The following NRXN3 variants were observed in gnomAD, a reference collection of about 807,000 sequenced individuals.
The protein encoded by NRXN3 is neurexin III.
Under a neutral mutation model 137.6 loss-of-function variants are expected in NRXN3, and 32 were observed. That is an observed-to-expected ratio of 0.23 (90% CI 0.18 to 0.31). The LOEUF (loss-of-function observed/expected upper bound fraction) is 0.31, where lower values mean the gene tolerates loss of function less well. NRXN3 is among the 10% of genes least tolerant of loss of function. The probability of loss-of-function intolerance (pLI) is 1.00; values close to 1 mark genes in which losing one functional copy is unlikely to be tolerated. For missense variants in NRXN3, 1,574 were observed against 2,062.5 expected, an observed-to-expected ratio of 0.76 and a Z score of 4.59; for synonymous variants, 798 against 784.5, an observed-to-expected ratio of 1.02 and a Z score of -0.29.
At chr14:79,530,172 G>A (rs930880698) in intron 16 of NRXN3, among the ~76,000 whole-genome samples, 9 of 152,044 alleles carry the variant, frequency 5.9e-5, no homozygotes, top group African/African-American at 1.9e-4. Flanking sequence ...CAAACTCACA[G>A]ACATTTGCCC....
At position 78,778,703 on chromosome 14, in the gene NRXN3, T is replaced by C. The variant is rs888658386; in HGVS notation, c.2045-24917T>C. Among the ~76,000 whole-genome samples, 8 of 148,636 alleles carry C rather than the reference T, an allele frequency of 5.4e-5. 1 individual carries two copies. The highest frequency in any genetic ancestry group is 1.2e-4 in the Non-Finnish European group (8 of 66,988). ...TTTTCTTTCTTTCTTTCTTTCTTTC[T>C]TTCTTTCTTTCTTTCTTTCTTTCTT... is the stretch of plus-strand genomic sequence containing the variant. On this transcript the variant is annotated intron_variant, in intron 8 of 20. Coordinates refer to ENST00000335750, the MANE Select transcript of NRXN3 (RefSeq NM_001330195.2).
chr14:79,293,303 T>C (rs991070253), intron 15 of NRXN3, among the ~76,000 whole-genome samples: 3 of 152,188 alleles, frequency 2.0e-5, no homozygotes, highest in Non-Finnish European at 4.4e-5. Flanking sequence ...ATCATGCCCC[T>C]AAAATAATGT....
At chr14:78,670,703 C>G (rs2097925640) in intron 6 of NRXN3, among the ~76,000 whole-genome samples, 1 of 152,132 alleles carries the variant, frequency 6.6e-6, no homozygotes, top group Non-Finnish European at 1.5e-5. Flanking sequence ...TGCACCAGGG[C>G]TAGGGCCTTA....
chr14:79,148,311 TC>T (rs1188510139), intron 15 of NRXN3, among the ~76,000 whole-genome samples: 1 of 152,128 alleles, frequency 6.6e-6, no homozygotes, highest in Non-Finnish European at 1.5e-5. Flanking sequence ...CATTCACAGA[TC>T]TAGGGAGGCA....
At chr14:78,283,967 G>T (rs937704784) in intron 3 of NRXN3, among the ~76,000 whole-genome samples, 1 of 152,186 alleles carries the variant, frequency 6.6e-6, no homozygotes, top group Non-Finnish European at 1.5e-5. Flanking sequence ...CTTTACCTTT[G>T]TGGGGGTTCC....
intron 4 of NRXN3, among the ~76,000 whole-genome samples, chr14:78,519,649 A>G (rs1450219452): frequency 1.3e-5 from 2 of 152,172 alleles, no homozygotes; most frequent in African/African-American, 2.4e-5. Context: ...GGTGAGGAAG[A>G]CCACCATTAA....
At chr14:79,104,380 A>T (rs2051955877) in intron 15 of NRXN3, among the ~76,000 whole-genome samples, 1 of 152,174 alleles carries the variant, frequency 6.6e-6, no homozygotes, top group African/African-American at 2.4e-5. Flanking sequence ...GATGAGATAT[A>T]GTAAACAGGT....
chr14:79,343,402 G>A (rs1304163714), intron 15 of NRXN3, among the ~76,000 whole-genome samples: 1 of 152,210 alleles, frequency 6.6e-6, no homozygotes. Flanking sequence ...TTAGAAGCAA[G>A]ATGGAGTCAG....
At chr14:78,712,394 T>C (rs775027147) in intron 7 of NRXN3, among the ~76,000 whole-genome samples, 1 of 152,188 alleles carries the variant, frequency 6.6e-6, no homozygotes, top group African/African-American at 2.4e-5. Flanking sequence ...ATTGTTGTTA[T>C]ATAAGTGTTT....
At chr14:78,683,895 T>C (rs1174717667) in intron 6 of NRXN3, among the ~76,000 whole-genome samples, 1 of 152,250 alleles carries the variant, frequency 6.6e-6, no homozygotes, top group Non-Finnish European at 1.5e-5. Context: ...AGTTACATCT[T>C]AGATTGATGA....
At chr14:79,712,429 T>G (rs182622119) in intron 19 of NRXN3, among the ~76,000 whole-genome samples, 1 of 152,206 alleles carries the variant, frequency 6.6e-6, no homozygotes, top group African/African-American at 2.4e-5. Context: ...ATATCGCCTA[T>G]TGAAAACAAT....
At chr14:78,808,560 C>A (rs1213535182) in intron 9 of NRXN3, among the ~76,000 whole-genome samples, 1 of 152,132 alleles carries the variant, frequency 6.6e-6, no homozygotes, top group African/African-American at 2.4e-5. Flanking sequence ...TGCCCTCCCT[C>A]CTTCCAGTCC....
intron 15 of NRXN3, among the ~76,000 whole-genome samples, chr14:78,995,663 A>T (rs531188708): frequency 6.6e-6 from 1 of 152,342 alleles, no homozygotes; most frequent in South Asian, 2.1e-4. Context: ...AAAAGTTAAA[A>T]ACATGACTCA....
intron 10 of NRXN3, among the ~76,000 whole-genome samples, chr14:78,902,106 T>C (rs759667711): frequency 1.3e-4 from 19 of 151,594 alleles, no homozygotes; most frequent in Non-Finnish European, 1.9e-4. Flanking sequence ...TCTGTGAGAC[T>C]GAAGTATTTT....
intron 4 of NRXN3, among the ~76,000 whole-genome samples, chr14:78,460,617 G>A (rs1036937614): frequency 2.6e-5 from 4 of 152,196 alleles, no homozygotes; most frequent in Admixed American, 2.6e-4. Context: ...GTCACAGGGG[G>A]CTACTTTCTC....
intron 1 of NRXN3, among the ~76,000 whole-genome samples, chr14:78,220,081 G>A (rs888407077): frequency 6.6e-6 from 1 of 152,136 alleles, no homozygotes; most frequent in Non-Finnish European, 1.5e-5. Flanking sequence ...TGCCCAGGTT[G>A]CTAGCTGGGC....
chr14:78,651,797 A>T (rs2097746939), intron 6 of NRXN3, among the ~76,000 whole-genome samples: 1 of 152,176 alleles, frequency 6.6e-6, no homozygotes, highest in Non-Finnish European at 1.5e-5. Context: ...TGACCCCATG[A>T]TTTAATTACC....
At chr14:78,820,092 T>C (rs964669633) in intron 10 of NRXN3, among the ~76,000 whole-genome samples, 5 of 152,102 alleles carry the variant, frequency 3.3e-5, no homozygotes, top group Non-Finnish European at 7.4e-5. Flanking sequence ...CTCTATGCGG[T>C]GTAGGATGTA....
intron 14 of NRXN3, among the ~76,000 whole-genome samples, chr14:78,987,742 G>A (rs1035982446): frequency 6.6e-6 from 1 of 152,048 alleles, no homozygotes; most frequent in African/African-American, 2.4e-5. Flanking sequence ...AGGTAGAGAT[G>A]AAGCTATTTT....
Sources: allele counts gnomAD v4.1 joint callset (sites outside exome capture counted in the v4.1 genomes callset), GRCh38; gene constraint gnomAD v4.1.1; transcripts MANE v1.5; gene names NCBI Gene and HGNC (gene_info 2026-07-23, HGNC 2026-07-21).